PRELID2: variants seen among roughly 807,000 people sequenced by gnomAD.
PRELID2 encodes the protein PRELI domain-containing protein 2.
PRELID2 carries 25 observed loss-of-function variants against 28.4 expected under a neutral mutation model. That is an observed-to-expected ratio of 0.88 (90% CI 0.64 to 1.23). The LOEUF (loss-of-function observed/expected upper bound fraction) is 1.23, where lower values mean the gene tolerates loss of function less well. Ranked by LOEUF, PRELID2 falls within the 50% of genes most tolerant of loss-of-function variation. The pLI, the probability that PRELID2 is intolerant of heterozygous loss-of-function variation, is 0.00. For synonymous variants in PRELID2, 76 were observed against 71.6 expected, an observed-to-expected ratio of 1.06 and a Z score of -0.31; for missense variants, 201 against 214.4, an observed-to-expected ratio of 0.94 and a Z score of 0.39.
intron 1 of PRELID2, among the ~76,000 whole-genome samples, chr5:145,577,927 A>G (rs1488818342): frequency 6.6e-6 from 1 of 152,174 alleles, no homozygotes; most frequent in African/African-American, 2.4e-5. Flanking sequence ...GCATAAATGA[A>G]TAAGTTAACT....
At chr5:145,721,868 T>G (rs1265696953) in intron 1 of PRELID2, among the ~76,000 whole-genome samples, 1 of 152,156 alleles carries the variant, frequency 6.6e-6, no homozygotes, top group East Asian at 1.9e-4. Flanking sequence ...AAAAAGCACT[T>G]TAATGTTAAA....
the PRELID2 span, among the ~76,000 whole-genome samples, chr5:145,454,231 C>A: frequency 5.9e-5 from 9 of 152,196 alleles, no homozygotes; most frequent in South Asian, 2.1e-4. Context: ...ATTCAACAGC[C>A]CTTCAAGCTA....
chr5:145,314,632 C>A, the PRELID2 span, among the ~76,000 whole-genome samples: 11 of 151,884 alleles, frequency 7.2e-5, no homozygotes, highest in East Asian at 2.1e-3. Context: ...AATATCCTTA[C>A]ACATGCCATG....
At chr5:145,658,674 T>C (rs1162265170) in intron 1 of PRELID2, among the ~76,000 whole-genome samples, 1 of 152,178 alleles carries the variant, frequency 6.6e-6, no homozygotes, top group Non-Finnish European at 1.5e-5. Flanking sequence ...ACTGAAAGCT[T>C]CCTAAGACCT....
chr5:145,811,278 G>A (rs983959281), intron 4 of PRELID2, among the ~76,000 whole-genome samples: 2 of 151,840 alleles, frequency 1.3e-5, no homozygotes, highest in Admixed American at 6.6e-5. Context: ...AACTCAAGAT[G>A]AGATTTGGGT....
the PRELID2 span, among the ~76,000 whole-genome samples, chr5:145,445,903 ACT>A: frequency 6.6e-6 from 1 of 152,096 alleles, no homozygotes; most frequent in Non-Finnish European, 1.5e-5. Context: ...ACTCTTCTAC[ACT>A]CATATATGGA....
the PRELID2 span, among the ~76,000 whole-genome samples, chr5:145,435,926 C>T: frequency 2.0e-5 from 3 of 152,036 alleles, no homozygotes; most frequent in African/African-American, 2.4e-5. Flanking sequence ...ACCTAACTTA[C>T]AAGATTTTTA....
intron 1 of PRELID2, among the ~76,000 whole-genome samples, chr5:145,640,255 G>A (rs886101410): frequency 6.6e-6 from 1 of 152,140 alleles, no homozygotes; most frequent in Admixed American, 6.5e-5. Flanking sequence ...GGGAGGCCGA[G>A]GCGGGCGGAT....
the PRELID2 span, among the ~76,000 whole-genome samples, chr5:145,422,104 G>C: frequency 6.4e-5 from 9 of 139,756 alleles, no homozygotes; most frequent in African/African-American, 2.4e-4. Context: ...GAGATAGTTT[G>C]TTATAATTTC....
At chr5:145,424,267 G>A in the PRELID2 span, among the ~76,000 whole-genome samples, 1 of 152,192 alleles carries the variant, frequency 6.6e-6, no homozygotes, top group Non-Finnish European at 1.5e-5. Flanking sequence ...GCTCCACCCA[G>A]TTCGAGCTTC....
At chr5:145,472,967 A>G (rs1752067329) in intron 2 of PRELID2, among the ~76,000 whole-genome samples, 1 of 152,128 alleles carries the variant, frequency 6.6e-6, no homozygotes, top group South Asian at 2.1e-4. Context: ...CTAGGATAAC[A>G]CATATAAACT....
chr5:145,361,752 A>G, the PRELID2 span, among the ~76,000 whole-genome samples: 1 of 152,162 alleles, frequency 6.6e-6, no homozygotes, highest in Non-Finnish European at 1.5e-5. Flanking sequence ...TTTCTGAACC[A>G]CACCTAGCCT....
At chr5:145,715,871 T>A (rs576892029) in intron 1 of PRELID2, among the ~76,000 whole-genome samples, 2 of 152,310 alleles carry the variant, frequency 1.3e-5, no homozygotes, top group Non-Finnish European at 2.9e-5. Context: ...TATCATCACA[T>A]CATTGTATTT....
intron 5 of PRELID2, among the ~76,000 whole-genome samples, chr5:145,767,002 G>T (rs554089028): frequency 6.6e-6 from 1 of 152,216 alleles, no homozygotes; most frequent in South Asian, 2.1e-4. Context: ...GGAAAATACT[G>T]GGTAGAAAAG....
intron 1 of PRELID2, among the ~76,000 whole-genome samples, chr5:145,546,438 G>T (rs993873407): frequency 6.6e-6 from 1 of 152,102 alleles, no homozygotes; most frequent in Non-Finnish European, 1.5e-5. Context: ...GAGATGAAAG[G>T]ATACATATGC....
chr5:145,648,930 T>A (rs1754242071), intron 1 of PRELID2, among the ~76,000 whole-genome samples: 1 of 152,064 alleles, frequency 6.6e-6, no homozygotes, highest in African/African-American at 2.4e-5. Flanking sequence ...TTCCACTTTA[T>A]GATGCTGTGA....
chr5:145,751,625 G>A (rs1371342809), downstream of PRELID2, among the ~76,000 whole-genome samples: 1 of 152,122 alleles, frequency 6.6e-6, no homozygotes, highest in Non-Finnish European at 1.5e-5. Context: ...AAAGTTGCTT[G>A]CCTGTTGTAA....
the PRELID2 span, among the ~76,000 whole-genome samples, chr5:145,358,877 A>T: frequency 6.6e-6 from 1 of 152,166 alleles, no homozygotes; most frequent in Non-Finnish European, 1.5e-5. Flanking sequence ...AGCTTTTAAA[A>T]TTTTCTTCAG....
intron 1 of PRELID2, among the ~76,000 whole-genome samples, chr5:145,570,749 A>G (rs1753008591): frequency 6.6e-6 from 1 of 152,146 alleles, no homozygotes; most frequent in South Asian, 2.1e-4. Flanking sequence ...TGCTTTTGTC[A>G]TTGTCCTCCC....
Sources: allele counts gnomAD v4.1 joint callset (sites outside exome capture counted in the v4.1 genomes callset), GRCh38; gene constraint gnomAD v4.1.1; transcripts MANE v1.5; gene names NCBI Gene and HGNC (gene_info 2026-07-23, HGNC 2026-07-21).